CSMD1: variants seen among roughly 807,000 people sequenced by gnomAD.
CSMD1 encodes CUB and Sushi multiple domains 1.
Under a neutral mutation model 417.5 loss-of-function variants are expected in CSMD1, and 213 were observed. The ratio of observed to expected loss-of-function variants is 0.51; its 90% CI spans 0.46 to 0.57. CSMD1 has a LOEUF of 0.57. CSMD1 is among the 20% of genes least tolerant of loss of function. The probability of loss-of-function intolerance (pLI) is 0.00; values close to 1 mark genes in which losing one functional copy is unlikely to be tolerated. For missense variants in CSMD1, 6,923 were observed against 4,529.7 expected (o/e 1.53, Z -15.17); for synonymous variants, 2,862 against 1,736.8 (o/e 1.65, Z -16.11).
chr8:4,079,157 G>T (rs111689032), intron 3 of CSMD1, among the ~76,000 whole-genome samples: 2 of 151,842 alleles, frequency 1.3e-5, no homozygotes, highest in African/African-American at 2.4e-5. Context: ...AAGAGAAAAA[G>T]ACACAGTATA....
At chr8:4,754,785 G>A (rs778987783) in intron 1 of CSMD1, among the ~76,000 whole-genome samples, 2 of 152,052 alleles carry the variant, frequency 1.3e-5, no homozygotes, top group Admixed American at 6.6e-5. Flanking sequence ...GGAAGCAGAG[G>A]TTGCAGTGAG....
In CSMD1 at chr8:3,514,591, G is replaced by C. The variant is rs559810396; in HGVS notation, c.1345-20865C>G. 1.1e-4 allele frequency among the ~76,000 whole-genome samples: 17 copies of C among 152,284 alleles called. No individual in the cohort carries two copies. In the South Asian group the frequency reaches 2.3e-3, roughly 20 times the overall value. On this transcript the variant is annotated intron_variant, in intron 10 of 69. Coordinates refer to ENST00000635120, the MANE Select transcript of CSMD1 (RefSeq NM_033225.6). ...GAATATTCCTAAATTCTATATTTAA[G>C]TGTATTTGTTTTAATGTGACTCACT...
chr8:4,852,463 G>T (rs540620932), intron 1 of CSMD1, among the ~76,000 whole-genome samples: 7 of 152,116 alleles, frequency 4.6e-5, no homozygotes, highest in Non-Finnish European at 1.0e-4. Flanking sequence ...AATGCTTGAT[G>T]AGGCCTCACC....
intron 5 of CSMD1, among the ~76,000 whole-genome samples, chr8:3,833,221 T>A (rs74749442): frequency 0.012 from 1,754 of 152,250 alleles, 84 homozygotes; most frequent in Admixed American, 0.092. Context: ...TTTTTGTCCG[T>A]ACTGTAATTC....
In CSMD1 at chr8:4,896,660, A is replaced by T. The variant is rs946663349; in HGVS notation, c.85+97672T>A. On this transcript the variant is annotated intron_variant, in intron 1 of 69. Coordinates refer to ENST00000635120, the MANE Select transcript of CSMD1 (RefSeq NM_033225.6). ...CACTGCAAGTATTTAAATATTGGAA[A>T]TTTTTTCCGGGGGAAGGATTGCATA... 2.6e-5 allele frequency among the ~76,000 whole-genome samples: 4 copies of T among 152,082 alleles called. 1 individual carries two copies. The highest frequency in any genetic ancestry group is 1.9e-4 in the East Asian group (1 of 5,182).
At chr8:4,188,388 C>G (rs34749479) in intron 3 of CSMD1, among the ~76,000 whole-genome samples, 1 of 151,796 alleles carries the variant, frequency 6.6e-6, no homozygotes, top group Non-Finnish European at 1.5e-5. Flanking sequence ...GCAAACAACA[C>G]AGGAAACATT....
chr8:4,000,942 G>C (rs533776793), intron 4 of CSMD1, among the ~76,000 whole-genome samples: 1 of 151,758 alleles, frequency 6.6e-6, no homozygotes, highest in Non-Finnish European at 1.5e-5. Context: ...GTAGTTGAAA[G>C]ATTAATGACA....
intron 8 of CSMD1, among the ~76,000 whole-genome samples, chr8:3,610,822 G>A (rs1801855670): frequency 6.6e-6 from 1 of 152,074 alleles, no homozygotes; most frequent in African/African-American, 2.4e-5. Flanking sequence ...GAAGGTCTGT[G>A]AGGTCAAAAT....
At chr8:4,560,309 G>C (rs1186801684) in intron 2 of CSMD1, among the ~76,000 whole-genome samples, 2 of 152,176 alleles carry the variant, frequency 1.3e-5, no homozygotes, top group Non-Finnish European at 2.9e-5. Context: ...TTGTTTTGAA[G>C]ACAAAACAGG....
At chr8:4,819,463 A>T (rs898913287) in intron 1 of CSMD1, among the ~76,000 whole-genome samples, 2 of 152,200 alleles carry the variant, frequency 1.3e-5, no homozygotes, top group Non-Finnish European at 2.9e-5. Flanking sequence ...ATTATTGCCA[A>T]ATTGACATCC....
At chr8:3,780,484 G>A (rs990573175) in intron 5 of CSMD1, among the ~76,000 whole-genome samples, 1 of 152,190 alleles carries the variant, frequency 6.6e-6, no homozygotes, top group Non-Finnish European at 1.5e-5. Context: ...CCTGAATCGA[G>A]TATCAGTAAC....
At chr8:4,251,095 G>A (rs1182712492) in intron 3 of CSMD1, among the ~76,000 whole-genome samples, 1 of 152,108 alleles carries the variant, frequency 6.6e-6, no homozygotes, top group Non-Finnish European at 1.5e-5. Flanking sequence ...CATTTTCCCT[G>A]CCAAATTTCT....
chr8:3,932,489 C>G (rs953631156), intron 5 of CSMD1, among the ~76,000 whole-genome samples: 5 of 150,488 alleles, frequency 3.3e-5, no homozygotes, highest in African/African-American at 1.2e-4. Context: ...GACCTTGATG[C>G]TAAGTCTAGG....
chr8:3,409,493 C>G lies in CSMD1; in HGVS notation c.1674G>C (p.Glu558Asp). 6.2e-7 allele frequency: 1 copy of G among 1,611,670 alleles called. No individual in the cohort carries two copies. Among genetic ancestry groups the G allele is most frequent in the Non-Finnish European group, 8.5e-7 (1 of 1,178,958 alleles). The change falls in exon 13 of 70, where the codon GAG (glutamate) becomes GAC (aspartate). Residue 558 changes from glutamate to aspartate, a missense_variant. Physicochemically the swap from Glu to Asp is conservative, Grantham distance 45. Transcript: ENST00000635120. ...AGGTGATAACTCTCTCCCCCACCAG[C>G]TCAAAGGCCGCCGGGCATTCAAAGG... ...TLTFECPAAF[E>D]LVGERVITCQ...
chr8:4,124,119 T>G (rs1365282472), intron 3 of CSMD1, among the ~76,000 whole-genome samples: 8 of 152,158 alleles, frequency 5.3e-5, no homozygotes, highest in Non-Finnish European at 7.3e-5. Flanking sequence ...AACTATTTTC[T>G]GCAAGAAGTC....
chr8:4,155,258 G>T (rs1240767778), intron 3 of CSMD1, among the ~76,000 whole-genome samples: 3 of 152,196 alleles, frequency 2.0e-5, no homozygotes, highest in Non-Finnish European at 4.4e-5. Flanking sequence ...CAGCAGAGAG[G>T]TGAATAAGTC....
intron 3 of CSMD1, among the ~76,000 whole-genome samples, chr8:4,186,140 A>C (rs1467009576): frequency 6.6e-6 from 1 of 152,194 alleles, no homozygotes; most frequent in Non-Finnish European, 1.5e-5. Context: ...TTTGGCATCC[A>C]GAGGCCACTG....
At chr8:3,444,316 A>ATT (rs1815170013) in intron 12 of CSMD1, among the ~76,000 whole-genome samples, 1 of 152,208 alleles carries the variant, frequency 6.6e-6, no homozygotes, top group South Asian at 2.1e-4. Context: ...TCGACTCAGG[A>ATT]GTCAAGAACA....
At position 2,950,456 on chromosome 8, in the gene CSMD1, A is replaced by T. The variant is rs112827726; in HGVS notation, c.10202-113T>A. On this transcript the variant is annotated intron_variant, in intron 66 of 69. Transcript: ENST00000635120. ...GATGATAATATCATCGATAATAGAA[A>T]ACTCAAACAGAAATTGTATTTTTAT... 1.9e-5 allele frequency: 13 copies of T among 670,052 alleles called. 1 individual carries two copies. Among genetic ancestry groups the T allele is most frequent in the African/African-American group, 1.6e-4 (9 of 55,674 alleles). 41.5% of individuals were successfully genotyped at this position (670,052 alleles called of 1,614,324 possible).
Sources: gnomAD v4.1 joint callset for allele counts (sites outside exome capture counted in the v4.1 genomes callset) on GRCh38, gnomAD v4.1.1 for gene constraint, MANE v1.5 for transcripts, NCBI Gene and HGNC (gene_info 2026-07-23, HGNC 2026-07-21) for gene names.